Variants in CCNL2 observed in about 807,000 individuals in gnomAD.
CCNL2 encodes cyclin L2, also known as cyclin-L2.
CCNL2 carries 28 observed loss-of-function variants against 59.1 expected under a neutral mutation model. That is an observed-to-expected ratio of 0.47 (90% CI 0.35 to 0.65). The LOEUF is 0.65. CCNL2 is among the 30% of genes least tolerant of loss of function. CCNL2 has a pLI of 0.00. For missense variants in CCNL2, 714 were observed against 717.4 expected, an observed-to-expected ratio of 1.00 and a Z score of 0.05; for synonymous variants, 342 against 288.6, an observed-to-expected ratio of 1.19 and a Z score of -1.88.
chr1:1,387,694 A>C (rs1644529165), intron 10 of CCNL2, 83 bp downstream of exon 10: 1 of 1,452,420 alleles, frequency 6.9e-7, no homozygotes, highest in Non-Finnish European at 9.4e-7. Context: ...AGAAACAAGA[A>C]ACCACCTCAG....
chr1:1,394,157 T>C (rs890459907), intron 4 of CCNL2, among the ~76,000 whole-genome samples: 5 of 147,802 alleles, frequency 3.4e-5, no homozygotes, highest in Admixed American at 6.8e-5. Context: ...CAATCTGTGG[T>C]GGGCAATTTG....
chr1:1,398,863 G>T, intron 1 of CCNL2, 156 bp downstream of exon 1: 1 of 1,385,226 alleles, frequency 7.2e-7, no homozygotes, highest in Non-Finnish European at 9.6e-7. Flanking sequence ...CGGGTCAGGG[G>T]CATGGGCTGG....
rs767507408 is a variant in CCNL2, at chr1:1,398,326, C to G, written c.380G>C (p.Cys127Ser). The change falls in exon 3 of 11, where the codon TGT (cysteine) becomes TCT (serine). Residue 127 changes from cysteine to serine, a missense_variant. This residue lies in a region of CCNL2 where 270 missense variants were observed against 254.9 expected (regional missense o/e 1.06). Coordinates refer to ENST00000400809, the MANE Select transcript of CCNL2 (RefSeq NM_030937.6). The part of the protein sequence containing the change: ...KHSMEHVSMA[C>S]VHLASKIEEA... The stretch of plus-strand genomic sequence containing the variant: ...TTCTATCTTGGAAGCCAGGTGGACA[C>G]AGGCCATTGACACATGCTGAAGCGG... 2 of 1,614,158 alleles carry G rather than the reference C, an allele frequency of 1.2e-6. No homozygotes were observed. The highest frequency in any genetic ancestry group is 1.7e-6 in the Non-Finnish European group (2 of 1,180,016).
intron 10 of CCNL2, 77 bp from the exon 11 acceptor site, chr1:1,387,659 C>T: frequency 7.2e-7 from 1 of 1,393,804 alleles, no homozygotes; most frequent in Admixed American, 2.1e-5. Flanking sequence ...GGAGCTCAGA[C>T]AAGACACACA....
At position 1,398,247 on chromosome 1, in the gene CCNL2, C is replaced by T. The variant is rs768026039; in HGVS notation, c.459G>A (p.Gln153=). ...DVINVFHRLR[Q]LRDKKKPVPL... is the part of the protein sequence containing the mutation. The stretch of plus-strand genomic sequence containing the variant: ...GACTGACTCACTTTTTGTCTCTCAG[C>T]TGTCGAAGGCGGTGAAACACATTGA... The change falls in exon 3 of 11, where the codon CAG becomes CAA. Residue 153 remains glutamine (Q), a synonymous_variant. Transcript: ENST00000400809. 2 of 1,614,036 alleles carry T rather than the reference C, an allele frequency of 1.2e-6. No homozygotes were observed. The highest frequency in any genetic ancestry group is 1.7e-6 in the Non-Finnish European group (2 of 1,179,998).
intron 10 of CCNL2, 65 bp from the exon 11 acceptor site, chr1:1,387,647 C>T: frequency 7.1e-7 from 1 of 1,410,748 alleles, no homozygotes; most frequent in East Asian, 2.5e-5. Context: ...CACACACCCA[C>T]AGGAGCTCAG....
Position 1,390,363 on chromosome 1 carries a change from G to C in CCNL2, c.873C>G (p.Leu291=). The change falls in exon 8 of 11, where the codon CTC becomes CTG. Residue 291 remains leucine (L), a synonymous_variant. Coordinates refer to ENST00000400809, the MANE Select transcript of CCNL2 (RefSeq NM_030937.6). ...LQLYARKKVD[L]THLEGEVEKR... ...TTTCCACTTCACCCTCCAGGTGTGTGAGATCAACCTGCAAAAGCCAGAAGG... is the reference window on the plus strand; with the variant it reads ...TTTCCACTTCACCCTCCAGGTGTGTCAGATCAACCTGCAAAAGCCAGAAGG... 3 of 1,612,794 alleles carry C rather than the reference G, an allele frequency of 1.9e-6. No homozygotes were observed. Among genetic ancestry groups the C allele is most frequent in the Non-Finnish European group, 2.5e-6 (3 of 1,178,892 alleles).
intron 8 of CCNL2, chr1:1,388,508 ACT>A (rs1348081426): frequency 1.1e-5 from 5 of 454,132 alleles, no homozygotes; most frequent in African/African-American, 8.0e-5. Context: ...ACACAGCGAG[ACT>A]CTGTCTCAAG....
chr1:1,388,563 G>GTCTCTC, intron 8 of CCNL2: 8 of 336,214 alleles, frequency 2.4e-5, no homozygotes, highest in Non-Finnish European at 4.8e-5. Context: ...ATGTGAGTGT[G>GTCTCTC]TGTCTCTCTC....
chr1:1,393,597 G>T, intron 4 of CCNL2, 137 bp from the exon 5 acceptor site: 1 of 740,118 alleles, frequency 1.4e-6, no homozygotes. Flanking sequence ...CTGGCGGACG[G>T]CTCAGCTGGA....
At chr1:1,387,905 G>A (rs1644544371) in intron 9 of CCNL2, 36 bp from the exon 10 acceptor site, 4 of 1,613,612 alleles carry the variant, frequency 2.5e-6, no homozygotes, top group Non-Finnish European at 3.4e-6. Context: ...CAAAGCAGAA[G>A]TCCCTCCAGC....
At chr1:1,390,113 CAAAA>C (rs546221507) in intron 8 of CCNL2, 113 bp downstream of exon 8, 4,110 of 687,590 alleles carry the variant, frequency 6.0e-3, no homozygotes, top group South Asian at 0.012. Flanking sequence ...GACCCTGTCT[CAAAA>C]AAAAAAAAAA....
At chr1:1,391,693 G>C in intron 5 of CCNL2, 1 of 573,848 alleles carries the variant, frequency 1.7e-6, no homozygotes, top group Non-Finnish European at 2.7e-6. Flanking sequence ...TTCATATTTA[G>C]AAGCTATAAA....
At chr1:1,390,113 CAAAAAA>C (rs546221507) in intron 8 of CCNL2, 111 bp downstream of exon 8, 112 of 695,728 alleles carry the variant, frequency 1.6e-4, no homozygotes, top group South Asian at 3.6e-4. Flanking sequence ...GACCCTGTCT[CAAAAAA>C]AAAAAAAAAA....
At chr1:1,391,658 T>C in intron 5 of CCNL2, 1 of 745,414 alleles carries the variant, frequency 1.3e-6, no homozygotes, top group South Asian at 1.5e-5. Flanking sequence ...ATACTGAACA[T>C]TTCATCACAG....
intron 3 of CCNL2, among the ~76,000 whole-genome samples, chr1:1,395,808 G>C (rs901871647): frequency 2.0e-5 from 3 of 152,170 alleles, no homozygotes; most frequent in African/African-American, 7.2e-5. Flanking sequence ...AAATGCTAAA[G>C]CACTTTATGT....
intron 4 of CCNL2, among the ~76,000 whole-genome samples, chr1:1,394,840 C>G (rs866952079): frequency 9.3e-5 from 14 of 151,032 alleles, no homozygotes; most frequent in Non-Finnish European, 1.3e-4. Flanking sequence ...GGGAGGATCA[C>G]GAGGGCAAGA....
intron 1 of CCNL2, 78 bp downstream of exon 1, chr1:1,398,941 G>T: frequency 6.8e-7 from 1 of 1,475,892 alleles, no homozygotes; most frequent in South Asian, 1.4e-5. Flanking sequence ...GGGGCGGTGC[G>T]GGCCCGACTC....
chr1:1,392,773 A>G, intron 5 of CCNL2: 1 of 1,611,838 alleles, frequency 6.2e-7, no homozygotes, highest in Non-Finnish European at 8.5e-7. Context: ...AGCAGAGGAG[A>G]AGTCTTAGTC....
Sources: gnomAD v4.1 joint callset for allele counts (sites outside exome capture counted in the v4.1 genomes callset) on GRCh38, gnomAD v4.1.1 for gene constraint, gnomAD v4.1.1 regional missense constraint, MANE v1.5 for transcripts, NCBI Gene and HGNC (gene_info 2026-07-23, HGNC 2026-07-21) for gene names.